Variants in SUPT3H observed in about 807,000 individuals in gnomAD.
The protein encoded by SUPT3H is transcription initiation protein SPT3 homolog.
SUPT3H carries 44 observed loss-of-function variants against 44.3 expected under a neutral mutation model. The observed-to-expected ratio is 0.99, with a 90% CI of 0.78 to 1.28. The LOEUF (loss-of-function observed/expected upper bound fraction) is 1.28. Ranked by LOEUF, SUPT3H falls within the 50% of genes most tolerant of loss-of-function variation. The pLI, the probability that SUPT3H is intolerant of heterozygous loss-of-function variation, is 0.00. For synonymous variants in SUPT3H, 124 were observed against 125.6 expected (o/e 0.99, Z 0.09); for missense variants, 380 against 387.1 (o/e 0.98, Z 0.15).
chr6:45,334,611 C>T (rs1035368815), intron 2 of SUPT3H, among the ~76,000 whole-genome samples: 3 of 151,062 alleles, frequency 2.0e-5, no homozygotes, highest in African/African-American at 4.8e-5. Flanking sequence ...TATTTTTACA[C>T]CGAAACAAAA....
chr6:45,155,914 G>A (rs927541087), intron 2 of SUPT3H, among the ~76,000 whole-genome samples: 2 of 151,830 alleles, frequency 1.3e-5, no homozygotes, highest in South Asian at 4.2e-4. Context: ...CCCAAAAATG[G>A]GCAAATTTAT....
At chr6:44,876,204 G>A (rs376349511) in intron 10 of SUPT3H, among the ~76,000 whole-genome samples, 2 of 40,724 alleles carry the variant, frequency 4.9e-5, no homozygotes, top group African/African-American at 9.1e-5. Context: ...ACATGCACAC[G>A]TATGTTTATT....
At chr6:45,206,077 A>C (rs1449733109) in intron 2 of SUPT3H, among the ~76,000 whole-genome samples, 1 of 152,242 alleles carries the variant, frequency 6.6e-6, no homozygotes, top group African/African-American at 2.4e-5. Flanking sequence ...TCTATGCAGT[A>C]TGTAAGACTC....
At chr6:45,173,148 A>T (rs1811107753) in intron 2 of SUPT3H, among the ~76,000 whole-genome samples, 1 of 152,194 alleles carries the variant, frequency 6.6e-6, no homozygotes, top group South Asian at 2.1e-4. Context: ...CTTAAAAAAA[A>T]CACTGTTTTA....
intron 10 of SUPT3H, among the ~76,000 whole-genome samples, chr6:44,868,255 G>T (rs866897893): frequency 6.6e-6 from 1 of 152,156 alleles, no homozygotes; most frequent in Admixed American, 6.5e-5. Context: ...ACAAGTTCTT[G>T]TTAGAATGTT....
chr6:45,060,330 C>T (rs1791786683), intron 3 of SUPT3H, among the ~76,000 whole-genome samples: 1 of 151,976 alleles, frequency 6.6e-6, no homozygotes, highest in South Asian at 2.1e-4. Context: ...ACAAAACTGA[C>T]AAAAACAAGC....
At chr6:45,009,580 T>A (rs1783187074) in intron 5 of SUPT3H, among the ~76,000 whole-genome samples, 1 of 152,178 alleles carries the variant, frequency 6.6e-6, no homozygotes, top group Non-Finnish European at 1.5e-5. Flanking sequence ...ATTTTTTCCC[T>A]ATCAAATTCT....
chr6:45,271,670 C>T (rs938013196), intron 2 of SUPT3H, among the ~76,000 whole-genome samples: 15 of 151,974 alleles, frequency 9.9e-5, no homozygotes, highest in African/African-American at 3.6e-4. Context: ...GGAGCCTCCA[C>T]ACAGAGTACC....
Position 44,829,796 on chromosome 6 carries a change from G to C in SUPT3H, c.*20C>G. On this transcript the variant is annotated 3_prime_UTR_variant, in exon 11 of 11. Transcript: ENST00000371459. ...TAACATTGCCTTTCCTGTTGTTGCA[G>C]GCACATCACAGTTGTCACATCAGCA... 3 of 1,611,582 alleles carry C rather than the reference G, an allele frequency of 1.9e-6. No individual in the cohort carries two copies. The highest frequency in any genetic ancestry group is 2.5e-6 in the Non-Finnish European group (3 of 1,178,486).
intron 2 of SUPT3H, among the ~76,000 whole-genome samples, chr6:45,267,771 G>A (rs985817125): frequency 1.2e-4 from 18 of 152,060 alleles, no homozygotes; most frequent in Non-Finnish European, 2.4e-4. Flanking sequence ...AAGGACTTAA[G>A]AGGCCCTCTG....
chr6:45,324,321 A>C (rs532341055), intron 2 of SUPT3H, among the ~76,000 whole-genome samples: 2 of 152,146 alleles, frequency 1.3e-5, no homozygotes, highest in Non-Finnish European at 2.9e-5. Context: ...GGATTCAAGA[A>C]ACAATTAAAA....
intron 11 of SUPT3H, among the ~76,000 whole-genome samples, chr6:44,820,103 C>G (rs2153405327): frequency 6.6e-6 from 1 of 152,104 alleles, no homozygotes; most frequent in East Asian, 1.9e-4. Context: ...CCTGTGGTCC[C>G]AGCTACTCAG....
At chr6:45,230,636 G>A (rs72857080) in intron 2 of SUPT3H, among the ~76,000 whole-genome samples, 18,338 of 103,024 alleles carry the variant, frequency 0.18, 2,364 homozygotes, top group Non-Finnish European at 0.26. Context: ...AACATATAGT[G>A]AAATCATGTT....
At chr6:45,356,543 G>A (rs879881627) in intron 2 of SUPT3H, among the ~76,000 whole-genome samples, 1 of 151,906 alleles carries the variant, frequency 6.6e-6, no homozygotes, top group Non-Finnish European at 1.5e-5. Context: ...GATTAAAAGC[G>A]TGTGCCACCA....
chr6:45,086,935 T>C (rs1362428047), intron 3 of SUPT3H, among the ~76,000 whole-genome samples: 3 of 151,942 alleles, frequency 2.0e-5, no homozygotes, highest in African/African-American at 7.2e-5. Context: ...CAATCAGGTG[T>C]ATAACAATAA....
intron 3 of SUPT3H, among the ~76,000 whole-genome samples, chr6:45,042,087 A>T (rs1343109220): frequency 6.6e-6 from 1 of 152,202 alleles, no homozygotes; most frequent in Non-Finnish European, 1.5e-5. Context: ...ATTTAATATT[A>T]TGAAAGAAAG....
At chr6:45,146,656 CAATATA>C (rs1267109047) in intron 2 of SUPT3H, among the ~76,000 whole-genome samples, 1 of 152,092 alleles carries the variant, frequency 6.6e-6, no homozygotes, top group Non-Finnish European at 1.5e-5. Context: ...CATGTAGCAA[CAATATA>C]AATACAATCA....
chr6:45,074,882 ATATAAT>A (rs1388521056), intron 3 of SUPT3H, among the ~76,000 whole-genome samples: 1 of 152,098 alleles, frequency 6.6e-6, no homozygotes, highest in Non-Finnish European at 1.5e-5. Flanking sequence ...AAAGGTGTTA[ATATAAT>A]TAAGTCTTGG....
At chr6:45,124,180 A>G (rs543701942) in intron 2 of SUPT3H, among the ~76,000 whole-genome samples, 1 of 152,346 alleles carries the variant, frequency 6.6e-6, no homozygotes, top group South Asian at 2.1e-4. Context: ...TTTGAGTAAG[A>G]GCTTGAGTTA....
Sources: allele counts gnomAD v4.1 joint callset (sites outside exome capture counted in the v4.1 genomes callset), GRCh38; gene constraint gnomAD v4.1.1; transcripts MANE v1.5; gene names NCBI Gene and HGNC (gene_info 2026-07-23, HGNC 2026-07-21).